TMOD3: variants seen among roughly 807,000 people sequenced by gnomAD.
TMOD3 encodes the protein tropomodulin-3.
A neutral mutation model predicts 39.2 loss-of-function variants in TMOD3; 20 were observed. The observed-to-expected ratio is 0.51, with a 90% CI of 0.36 to 0.74. TMOD3 has a LOEUF of 0.74. Among genes scored for constraint, TMOD3 ranks in the 30% least tolerant of loss-of-function variants. TMOD3 has a pLI of 0.00. For missense variants in TMOD3, 381 were observed against 412.8 expected, an observed-to-expected ratio of 0.92 and a Z score of 0.67; for synonymous variants, 143 against 145.8, an observed-to-expected ratio of 0.98 and a Z score of 0.14.
chr15:51,862,114 T>C (rs185112020), intron 1 of TMOD3, among the ~76,000 whole-genome samples: 61 of 152,228 alleles, frequency 4.0e-4, no homozygotes, highest in African/African-American at 1.4e-3. Context: ...TGCTTGTTGA[T>C]TAACCTCATG....
chr15:51,839,568 C>A (rs539679425), intron 1 of TMOD3, among the ~76,000 whole-genome samples: 1 of 148,366 alleles, frequency 6.7e-6, no homozygotes, highest in South Asian at 2.2e-4. Context: ...TTTTTTTTTT[C>A]GAGACAGGCT....
At chr15:51,900,419 C>A in intron 8 of TMOD3, 121 bp downstream of exon 8, 1 of 1,099,954 alleles carries the variant, frequency 9.1e-7, no homozygotes, top group Non-Finnish European at 1.3e-6. Context: ...AGATGCTGGG[C>A]TGAAAGGAGA....
At chr15:51,906,745 G>T (rs1216826386) in intron 9 of TMOD3, among the ~76,000 whole-genome samples, 1 of 152,196 alleles carries the variant, frequency 6.6e-6, no homozygotes, top group East Asian at 1.9e-4. Flanking sequence ...TCTGGGCTGG[G>T]CGCAGTGGCT....
At chr15:51,857,254 C>G (rs1016772189) in intron 1 of TMOD3, among the ~76,000 whole-genome samples, 2 of 152,168 alleles carry the variant, frequency 1.3e-5, no homozygotes, top group Non-Finnish European at 2.9e-5. Flanking sequence ...AATTCAAAAT[C>G]TGGTAGAGTG....
chr15:51,904,130 GT>G (rs1317302452), intron 9 of TMOD3, among the ~76,000 whole-genome samples: 1 of 152,208 alleles, frequency 6.6e-6, no homozygotes, highest in Admixed American at 6.5e-5. Flanking sequence ...ACCCTGGCTT[GT>G]TTCTCCAGTA....
rs933973012 is a variant in TMOD3 at position 51,910,990 on chromosome 15, C to T, written c.*2180C>T. ...TCTCTCCCTCCCTCTCTTCTCCTCTCTTTTTTTTTCCCCGCATATGCAGCT... is the reference window on the plus strand; with the variant it reads ...TCTCTCCCTCCCTCTCTTCTCCTCTTTTTTTTTTTCCCCGCATATGCAGCT... On this transcript the variant is annotated 3_prime_UTR_variant, in exon 10 of 10. Transcript: ENST00000308580. 1.2e-4 allele frequency: 15 copies of T among 128,376 alleles called. No individual in the cohort carries two copies. Among genetic ancestry groups the T allele is most frequent in the Admixed American group, 1.1e-3 (13 of 12,062 alleles). 8.0% of individuals were successfully genotyped at this position (128,376 alleles called of 1,614,324 possible).
chr15:51,899,787 G>A (rs1030648581), intron 7 of TMOD3, among the ~76,000 whole-genome samples: 2 of 152,190 alleles, frequency 1.3e-5, no homozygotes, highest in Non-Finnish European at 2.9e-5. Context: ...TTTGCTGTAT[G>A]CCAGGTACTA....
At chr15:51,864,736 TATGTAACTA>T (rs762405503) in intron 2 of TMOD3, among the ~76,000 whole-genome samples, 3 of 152,144 alleles carry the variant, frequency 2.0e-5, no homozygotes, top group Non-Finnish European at 2.9e-5. Context: ...GGCTCAGGGC[TATGTAACTA>T]GTCTCTAGTT....
At chr15:51,892,800 T>A (rs1446509419) in intron 5 of TMOD3, among the ~76,000 whole-genome samples, 2 of 152,238 alleles carry the variant, frequency 1.3e-5, no homozygotes, top group Non-Finnish European at 2.9e-5. Context: ...GATTTTATCA[T>A]ACTATTATTT....
chr15:51,895,657 T>A (rs1389545777), intron 6 of TMOD3, among the ~76,000 whole-genome samples: 2 of 152,164 alleles, frequency 1.3e-5, no homozygotes, highest in African/African-American at 4.8e-5. Context: ...GTATTTTCTC[T>A]CCTTCAAGTA....
chr15:51,904,547 G>C (rs545786271), intron 9 of TMOD3, among the ~76,000 whole-genome samples: 1 of 152,260 alleles, frequency 6.6e-6, no homozygotes, highest in African/African-American at 2.4e-5. Context: ...GCCCCAACCA[G>C]CTCTGTTACT....
At chr15:51,891,880 A>G (rs976218700) in intron 5 of TMOD3, among the ~76,000 whole-genome samples, 1 of 152,174 alleles carries the variant, frequency 6.6e-6, no homozygotes, top group Non-Finnish European at 1.5e-5. Context: ...TTGGCAATCT[A>G]TACTTGTTCT....
rs554582968 is a variant in TMOD3, at chr15:51,893,826, G to A, written c.508G>A (p.Gly170Ser). ...ATTTATCACTGCAGATGTGGTCAAA[G>A]GTGAAAAGATTCTTCCGGTATTTGA... is the stretch of plus-strand genomic sequence containing the variant. The part of the protein sequence containing the change: ...DQEHFSNVVK[G>S]EKILPVFDEP... Residue 170 changes from glycine to serine, a missense_variant, in exon 6 of 10, where the codon GGT (glycine) becomes AGT (serine). By Grantham distance (56) the Gly-to-Ser change is moderately conservative. Coordinates refer to ENST00000308580, the MANE Select transcript of TMOD3 (RefSeq NM_014547.5). 1 of 1,603,160 alleles carries A rather than the reference G, an allele frequency of 6.2e-7. No homozygotes were observed. The highest frequency in any genetic ancestry group is 1.3e-5 in the African/African-American group (1 of 74,550).
Position 51,910,517 on chromosome 15 carries a change from A to C in TMOD3, c.*1707A>C, listed in dbSNP as rs1595916754. On this transcript the variant is annotated 3_prime_UTR_variant, in exon 10 of 10. Transcript: ENST00000308580. Reference sequence around the variant, plus strand: ...CTTGAACCTGGGAGATGGAGATTGCAGTGAGCTGAGATCGTACCACTGCAC... The same window carrying C: ...CTTGAACCTGGGAGATGGAGATTGCCGTGAGCTGAGATCGTACCACTGCAC... 1 of 152,306 alleles carries C rather than the reference A, an allele frequency of 6.6e-6. No individual in the cohort carries two copies. The highest frequency in any genetic ancestry group is 2.4e-5 in the African/African-American group (1 of 41,458). The allele number at this position is 152,306 out of a possible 1,614,324, so 9.4% of individuals were successfully genotyped here.
At chr15:51,906,091 AAG>A (rs1459737695) in intron 9 of TMOD3, among the ~76,000 whole-genome samples, 3 of 152,224 alleles carry the variant, frequency 2.0e-5, no homozygotes, top group Non-Finnish European at 4.4e-5. Flanking sequence ...CCAGGTGAGA[AAG>A]AGGGGTCAGA....
chr15:51,854,974 G>A (rs1056928359), intron 1 of TMOD3, among the ~76,000 whole-genome samples: 1 of 152,182 alleles, frequency 6.6e-6, no homozygotes. Context: ...TAAATGAAAA[G>A]GAAGATGGTA....
chr15:51,874,430 A>C (rs1230010750), intron 3 of TMOD3, among the ~76,000 whole-genome samples: 2 of 152,158 alleles, frequency 1.3e-5, no homozygotes. Flanking sequence ...TTTACTTTTT[A>C]CCTCTTCCTC....
chr15:51,845,273 C>A (rs1016111325), intron 1 of TMOD3, among the ~76,000 whole-genome samples: 1 of 152,276 alleles, frequency 6.6e-6, no homozygotes, highest in African/African-American at 2.4e-5. Context: ...GAAAAAAAGG[C>A]TGTTTGATTT....
intron 1 of TMOD3, chr15:51,858,211 C>G (rs1012864199): frequency 4.6e-5 from 7 of 152,016 alleles, no homozygotes; most frequent in African/African-American, 1.5e-4. Flanking sequence ...TGCTGCCATG[C>G]CCAGCTATTT....
Sources: gnomAD v4.1 joint callset for allele counts (sites outside exome capture counted in the v4.1 genomes callset) on GRCh38, gnomAD v4.1.1 for gene constraint, MANE v1.5 for transcripts, NCBI Gene and HGNC (gene_info 2026-07-23, HGNC 2026-07-21) for gene names.